SLC30A9: variants seen among roughly 807,000 people sequenced by gnomAD.
SLC30A9 encodes the protein solute carrier family 30 member 9.
SLC30A9 carries 58 observed loss-of-function variants against 87.5 expected under a neutral mutation model. The observed-to-expected ratio is 0.66, with a 90% confidence interval of 0.54 to 0.82. The LOEUF is 0.82. SLC30A9 is among the 40% of genes least tolerant of loss of function. SLC30A9 has a pLI of 0.00. For missense variants in SLC30A9, 557 were observed against 679.1 expected (o/e 0.82, Z 2.00); for synonymous variants, 234 against 233.0 (o/e 1.00, Z -0.04).
intron 4 of SLC30A9, chr4:42,020,745 C>A: frequency 2.6e-6 from 1 of 382,022 alleles, no homozygotes; most frequent in Non-Finnish European, 4.6e-6. Context: ...CTTAAACCCA[C>A]AATGGTAAAT....
At chr4:42,067,503 G>T (rs887749990) in intron 14 of SLC30A9, among the ~76,000 whole-genome samples, 5 of 152,192 alleles carry the variant, frequency 3.3e-5, no homozygotes, top group African/African-American at 9.6e-5. Context: ...CTATAAAAGT[G>T]TGGATAATAT....
intron 15 of SLC30A9, among the ~76,000 whole-genome samples, chr4:42,075,065 T>A (rs1319076374): frequency 5.9e-4 from 40 of 67,760 alleles, no homozygotes; most frequent in South Asian, 1.3e-3. Flanking sequence ...ATATATTTTT[T>A]TTTTTTTTTT....
At chr4:42,056,789 T>C (rs1717633937) in intron 9 of SLC30A9, among the ~76,000 whole-genome samples, 1 of 152,262 alleles carries the variant, frequency 6.6e-6, no homozygotes, top group Non-Finnish European at 1.5e-5. Flanking sequence ...CAAAAGCAGG[T>C]TAGTTATTTC....
chr4:42,039,035 T>C lies in SLC30A9; in HGVS notation c.719T>C (p.Val240Ala), dbSNP rs754563129. 6.2e-7 allele frequency: 1 copy of C among 1,613,098 alleles called. No homozygotes were observed. The change falls in exon 8 of 18, where the codon GTG becomes GCG. Residue 240 changes from valine (V) to alanine (A), a missense_variant. Physicochemically the swap from Val to Ala is moderately conservative, Grantham distance 64. This residue lies in a region of SLC30A9 where 467 missense variants were observed against 529.8 expected (regional missense o/e 0.88). Transcript: ENST00000264451. ...SVFFKGPGKVVMVAICINGLN... is the reference protein window; with the variant it reads ...SVFFKGPGKVAMVAICINGLN... Reference sequence around the variant, plus strand: ...TTTTTTAAGGGACCAGGAAAAGTGGTGATGGTTGCAATTTGCATGTAAGTA... The same window carrying C: ...TTTTTTAAGGGACCAGGAAAAGTGGCGATGGTTGCAATTTGCATGTAAGTA...
At chr4:42,040,446 A>G (rs1440538240) in intron 8 of SLC30A9, among the ~76,000 whole-genome samples, 1 of 152,096 alleles carries the variant, frequency 6.6e-6, no homozygotes. Flanking sequence ...GATGATAACT[A>G]AAGCCATAAA....
chr4:42,071,838 T>A (rs1457055436), intron 15 of SLC30A9, among the ~76,000 whole-genome samples: 1 of 152,250 alleles, frequency 6.6e-6, no homozygotes, highest in Non-Finnish European at 1.5e-5. Flanking sequence ...TTGGGAAATG[T>A]TCTCTCCTAT....
chr4:42,078,145 A>T, intron 16 of SLC30A9, 67 bp from the exon 17 acceptor site: 3 of 686,134 alleles, frequency 4.4e-6, no homozygotes, highest in East Asian at 2.8e-5. Context: ...GTTTTTTTTT[A>T]AGGAGTCATA....
At chr4:42,039,760 C>T (rs977653699) in intron 8 of SLC30A9, among the ~76,000 whole-genome samples, 2 of 152,126 alleles carry the variant, frequency 1.3e-5, no homozygotes, top group Non-Finnish European at 2.9e-5. Context: ...TGAGCCCGGC[C>T]TTGCCTTCCC....
chr4:42,044,788 A>T (rs934389223), intron 8 of SLC30A9, among the ~76,000 whole-genome samples: 1 of 152,262 alleles, frequency 6.6e-6, no homozygotes, highest in African/African-American at 2.4e-5. Flanking sequence ...TGTCACTCTT[A>T]TTCTAATATT....
intron 6 of SLC30A9, among the ~76,000 whole-genome samples, chr4:42,024,841 T>G (rs997012798): frequency 6.6e-6 from 1 of 152,250 alleles, no homozygotes; most frequent in African/African-American, 2.4e-5. Flanking sequence ...GTGGTTTTTC[T>G]TAGTTCTTCT....
chr4:42,049,465 G>C lies in SLC30A9; in HGVS notation c.826G>C (p.Asp276His). ...CTCAGAAGCTATACACTCATTATCTGATACTTGTAATCAGGTGAGGACTAA... is the reference window on the plus strand; with the variant it reads ...CTCAGAAGCTATACACTCATTATCTCATACTTGTAATCAGGTGAGGACTAA... ...MFSEAIHSLS[D>H]TCNQGLLALG... The change falls in exon 9 of 18, where the codon GAT becomes CAT. Residue 276 changes from aspartate to histidine, a missense_variant. Physicochemically the swap from Asp to His is moderately conservative, Grantham distance 81. This residue lies in a region of SLC30A9 where 467 missense variants were observed against 529.8 expected (regional missense o/e 0.88). Transcript: ENST00000264451. The C allele has an allele frequency of 6.3e-7, 1 of 1,581,748 alleles. No homozygotes were observed. Among genetic ancestry groups the C allele is most frequent in the Non-Finnish European group, 8.6e-7 (1 of 1,158,454 alleles).
intron 8 of SLC30A9, among the ~76,000 whole-genome samples, chr4:42,044,121 A>G (rs547022707): frequency 6.6e-6 from 1 of 152,338 alleles, no homozygotes; most frequent in South Asian, 2.1e-4. Flanking sequence ...AATTGTAAAG[A>G]CCATTGACAC....
rs150721913 is a variant in SLC30A9, at chr4:42,037,157, A to AAAT, written c.669+1825_669+1826insATA. On this transcript the variant is annotated intron_variant, in intron 7 of 17. Coordinates refer to ENST00000264451, the MANE Select transcript of SLC30A9 (RefSeq NM_006345.4). The stretch of plus-strand genomic sequence containing the variant: ...CTACTGTACCCCTATTCCCTTTAGG[A>AAAT]ATGGTTGTTCTCTCACTGAAGATGG... 5.5e-3 allele frequency among the ~76,000 whole-genome samples: 835 copies of AAAT among 150,686 alleles called. 9 individuals carry two copies. The highest frequency in any genetic ancestry group is 0.019 in the African/African-American group (766 of 41,268).
intron 8 of SLC30A9, among the ~76,000 whole-genome samples, chr4:42,047,330 A>G (rs1465202337): frequency 6.6e-6 from 1 of 152,246 alleles, no homozygotes; most frequent in African/African-American, 2.4e-5. Flanking sequence ...CAATCTATCC[A>G]TCTGACAAAG....
intron 2 of SLC30A9, among the ~76,000 whole-genome samples, chr4:42,008,849 C>A (rs1378704144): frequency 6.6e-6 from 1 of 152,178 alleles, no homozygotes; most frequent in Non-Finnish European, 1.5e-5. Flanking sequence ...AAGCCTCATC[C>A]TCCCTTTGGG....
Position 42,038,966 on chromosome 4 carries a change from A to G in SLC30A9, c.670-20A>G, listed in dbSNP as rs1206249283. The stretch of plus-strand genomic sequence containing the variant: ...TGCAAAATTTTGGAGGTATTAAAAA[A>G]AGTTTTTGTTTTTTTACAGCCACGC... On this transcript the variant is annotated intron_variant, in intron 7 of 17. Transcript: ENST00000264451. 6.2e-7 allele frequency: 1 copy of G among 1,609,422 alleles called. No individual in the cohort carries two copies. The highest frequency in any genetic ancestry group is 1.7e-5 in the Admixed American group (1 of 59,946).
chr4:42,007,478 G>A (rs1473430441), intron 2 of SLC30A9, among the ~76,000 whole-genome samples: 2 of 152,160 alleles, frequency 1.3e-5, no homozygotes, highest in African/African-American at 4.8e-5. Flanking sequence ...CAGGTCGGGT[G>A]CAGTGGCTCA....
Position 41,990,580 on chromosome 4 carries a change from G to A in SLC30A9, c.-72G>A. 1.1e-6 allele frequency: 1 copy of A among 876,194 alleles called. No individual in the cohort carries two copies. Among genetic ancestry groups the A allele is most frequent in the African/African-American group, 1.6e-5 (1 of 61,380 alleles). The allele number at this position is 876,194 out of a possible 1,614,324, so 54.3% of individuals were successfully genotyped here. ...CGGTGTTCGCTGATGTCCAGTCTAT[G>A]GAGTCAGTTGGTACCGGTGGCGGCG... is the stretch of plus-strand genomic sequence containing the variant. On this transcript the variant is annotated 5_prime_UTR_variant, in exon 1 of 18. It removes an upstream start codon present in the reference 5' UTR. Transcript: ENST00000264451.
At chr4:42,001,573 A>T in intron 1 of SLC30A9, 43 bp from the exon 2 acceptor site, 1 of 1,314,322 alleles carries the variant, frequency 7.6e-7, no homozygotes, top group Non-Finnish European at 1.1e-6. Context: ...TTATGCAGCT[A>T]GGACTTGGTT....
Sources: gnomAD v4.1 joint callset for allele counts (sites outside exome capture counted in the v4.1 genomes callset) on GRCh38, gnomAD v4.1.1 for gene constraint, gnomAD v4.1.1 regional missense constraint, MANE v1.5 for transcripts, NCBI Gene and HGNC (gene_info 2026-07-23, HGNC 2026-07-21) for gene names.